Variants in LRRFIP2 observed in about 807,000 individuals in gnomAD.
LRRFIP2 encodes the protein LRR binding FLII interacting protein 2.
LRRFIP2 carries 109 observed loss-of-function variants against 125.9 expected under a neutral mutation model. That is an observed-to-expected ratio of 0.87 (90% CI 0.74 to 1.01). The LOEUF (loss-of-function observed/expected upper bound fraction) is 1.01. Ranked by LOEUF, LRRFIP2 falls within the 50% of genes least tolerant of loss-of-function variation. The probability of loss-of-function intolerance (pLI) is 0.00; values close to 1 mark genes in which losing one functional copy is unlikely to be tolerated. For synonymous variants in LRRFIP2, 291 were observed against 293.1 expected, an observed-to-expected ratio of 0.99 and a Z score of 0.07; for missense variants, 850 against 862.3, an observed-to-expected ratio of 0.99 and a Z score of 0.18.
intron 2 of LRRFIP2, among the ~76,000 whole-genome samples, chr3:37,133,354 T>C (rs908408366): frequency 6.6e-6 from 1 of 152,228 alleles, no homozygotes; most frequent in Non-Finnish European, 1.5e-5. Context: ...TATATACCAA[T>C]GTTCATAGCA....
chr3:37,078,162 G>C (rs971262891), intron 19 of LRRFIP2, among the ~76,000 whole-genome samples: 1 of 151,758 alleles, frequency 6.6e-6, no homozygotes, highest in Non-Finnish European at 1.5e-5. Flanking sequence ...GTTTTTTAAT[G>C]ATAATTAAAT....
intron 6 of LRRFIP2, among the ~76,000 whole-genome samples, chr3:37,117,151 C>T (rs1052822771): frequency 6.7e-6 from 1 of 149,870 alleles, no homozygotes; most frequent in Non-Finnish European, 1.5e-5. Flanking sequence ...ACCTCCATGA[C>T]CAAAACATAT....
intron 2 of LRRFIP2, among the ~76,000 whole-genome samples, chr3:37,133,351 C>T (rs944505979): frequency 2.0e-5 from 3 of 152,134 alleles, no homozygotes; most frequent in Non-Finnish European, 4.4e-5. Context: ...ATTTATATAC[C>T]AATGTTCATA....
chr3:37,064,586 C>CAAAAAAAAAAA (rs3067690), intron 23 of LRRFIP2: 2 of 101,164 alleles, frequency 2.0e-5, no homozygotes, highest in African/African-American at 7.6e-5. Flanking sequence ...GACTTCGTCT[C>CAAAAAAAAAAA]AAAAAAAAAA....
intron 2 of LRRFIP2, among the ~76,000 whole-genome samples, chr3:37,130,022 T>C (rs2095387277): frequency 6.6e-6 from 1 of 152,172 alleles, no homozygotes; most frequent in Non-Finnish European, 1.5e-5. Flanking sequence ...TATACAATTC[T>C]GTGGTTTTTA....
chr3:37,144,469 T>G (rs10154916), intron 2 of LRRFIP2, among the ~76,000 whole-genome samples: 1 of 151,994 alleles, frequency 6.6e-6, no homozygotes, highest in Admixed American at 6.6e-5. Context: ...AAGCCAGGCA[T>G]GGTAGTGGTG....
At chr3:37,105,107 T>A (rs1188924487) in intron 14 of LRRFIP2, among the ~76,000 whole-genome samples, 1 of 152,132 alleles carries the variant, frequency 6.6e-6, no homozygotes, top group African/African-American at 2.4e-5. Flanking sequence ...TAGTTATGAG[T>A]TTTATACAAT....
In LRRFIP2 at chr3:37,165,843, AAGAAAGAAAGAAAG is replaced by A. The variant is rs756365745; in HGVS notation, c.-56+8682_-56+8695del. 1.4e-3 allele frequency among the ~76,000 whole-genome samples: 206 copies of A among 148,992 alleles called. 1 individual carries two copies. Among genetic ancestry groups the A allele is most frequent in the South Asian group, 3.1e-3 (14 of 4,574 alleles). On this transcript the variant is annotated intron_variant, in intron 1 of 27. Coordinates refer to ENST00000336686, the MANE Select transcript of LRRFIP2 (RefSeq NM_006309.4). Reference sequence around the variant, plus strand: ...AAAGAAAGAAAGAAAGAAAGAAAGAAAGAAAGAAAGAAAGAGAAAGAAAGAAAGAAGAAAAAACT... The same window carrying A: ...AAAGAAAGAAAGAAAGAAAGAAAGAAAGAAAGAAAGAAAGAAGAAAAAACT...
At chr3:37,107,164 G>A (rs1408026449) in intron 13 of LRRFIP2, among the ~76,000 whole-genome samples, 1 of 151,196 alleles carries the variant, frequency 6.6e-6, no homozygotes, top group Non-Finnish European at 1.5e-5. Flanking sequence ...GCCTCCCAAA[G>A]TGCTGGGATT....
intron 2 of LRRFIP2, chr3:37,135,143 G>T: frequency 8.5e-7 from 1 of 1,173,920 alleles, no homozygotes. Context: ...ATTATAGCTG[G>T]AATAAACTTT....
At position 37,106,431 on chromosome 3, in the gene LRRFIP2, G is replaced by A. The variant is rs139995035; in HGVS notation, c.715-908C>T. 5.0e-3 allele frequency among the ~76,000 whole-genome samples: 764 copies of A among 152,188 alleles called. 5 individuals carry two copies. The highest frequency in any genetic ancestry group is 8.3e-3 in the Non-Finnish European group (565 of 68,014). The stretch of plus-strand genomic sequence containing the variant: ...CTAACATCACTAAGAAACCATTCTG[G>A]CATCACTAAAATAGTTATTCTAACC... On this transcript the variant is annotated intron_variant, in intron 13 of 27. Transcript: ENST00000336686.
intron 2 of LRRFIP2, chr3:37,140,400 T>C (rs2095662958): frequency 6.6e-6 from 1 of 151,430 alleles, no homozygotes; most frequent in African/African-American, 2.4e-5. Context: ...GCAAGGATGA[T>C]ATACAAATTT....
At chr3:37,125,829 T>A (rs2095250941) in intron 4 of LRRFIP2, among the ~76,000 whole-genome samples, 1 of 152,242 alleles carries the variant, frequency 6.6e-6, no homozygotes, top group Admixed American at 6.5e-5. Flanking sequence ...ACTATAAACA[T>A]TAGCCATTTA....
intron 18 of LRRFIP2, among the ~76,000 whole-genome samples, chr3:37,086,709 G>A (rs991254096): frequency 1.3e-5 from 2 of 152,100 alleles, no homozygotes; most frequent in South Asian, 4.1e-4. Context: ...TTTCTTTTCT[G>A]GCTGATGAAA....
At position 37,068,144 on chromosome 3, in the gene LRRFIP2, G is replaced by T. The variant is rs114766675; in HGVS notation, c.1465-1819C>A. 215 of 152,294 alleles carry T rather than the reference G, an allele frequency of 1.4e-3. 1 individual carries two copies. Among genetic ancestry groups the T allele is most frequent in the Middle Eastern group, 6.8e-3 (2 of 294 alleles). The allele number at this position is 152,294 out of a possible 1,614,324, so 9.4% of individuals were successfully genotyped here. A position where few individuals can be genotyped will look rare whatever the true frequency, so the allele number is the denominator to read the frequency against. On this transcript the variant is annotated intron_variant, in intron 21 of 27. Transcript: ENST00000336686. ...ATTATGTTAATAATTAATAATAACTGAAACATTGGGAAAACAAAGCACAAC... is the reference window on the plus strand; with the variant it reads ...ATTATGTTAATAATTAATAATAACTTAAACATTGGGAAAACAAAGCACAAC...
At chr3:37,143,263 T>C (rs2095762237) in intron 2 of LRRFIP2, among the ~76,000 whole-genome samples, 1 of 152,214 alleles carries the variant, frequency 6.6e-6, no homozygotes, top group Admixed American at 6.5e-5. Flanking sequence ...CAGATAACTC[T>C]TTAGAAACCT....
intron 2 of LRRFIP2, among the ~76,000 whole-genome samples, chr3:37,145,231 A>G (rs1024988374): frequency 9.2e-5 from 14 of 152,188 alleles, no homozygotes; most frequent in African/African-American, 3.4e-4. Flanking sequence ...AGGAATTTTA[A>G]CTCATCTTTT....
At chr3:37,085,522 AAAAC>A (rs926694903) in intron 18 of LRRFIP2, among the ~76,000 whole-genome samples, 6 of 151,984 alleles carry the variant, frequency 3.9e-5, no homozygotes, top group East Asian at 1.9e-4. Flanking sequence ...CCATGTCTCA[AAAAC>A]AAACAAACAA....
At chr3:37,077,494 T>C (rs2092210688) in intron 19 of LRRFIP2, among the ~76,000 whole-genome samples, 1 of 152,208 alleles carries the variant, frequency 6.6e-6, no homozygotes, top group Admixed American at 6.5e-5. Flanking sequence ...TGAATGATTA[T>C]ATATACATAT....
Sources: allele counts gnomAD v4.1 joint callset (sites outside exome capture counted in the v4.1 genomes callset), GRCh38; gene constraint gnomAD v4.1.1; transcripts MANE v1.5; gene names NCBI Gene and HGNC (gene_info 2026-07-23, HGNC 2026-07-21).